CD46: variants seen among roughly 807,000 people sequenced by gnomAD.
The protein encoded by CD46 is membrane cofactor protein.
CD46 carries 30 observed loss-of-function variants against 53.3 expected under a neutral mutation model. The observed-to-expected ratio is 0.56, with a 90% confidence interval of 0.42 to 0.76. CD46 has a LOEUF of 0.76. Among genes scored for constraint, CD46 ranks in the 30% least tolerant of loss-of-function variants. The pLI is 0.00. For synonymous variants in CD46, 142 were observed against 152.0 expected, an observed-to-expected ratio of 0.93 and a Z score of 0.48; for missense variants, 409 against 463.0, an observed-to-expected ratio of 0.88 and a Z score of 1.07.
At chr1:207,764,264 A>G (rs557942935) in intron 5 of CD46, among the ~76,000 whole-genome samples, 1 of 152,340 alleles carries the variant, frequency 6.6e-6, no homozygotes, top group African/African-American at 2.4e-5. Context: ...GCTTGGAAAC[A>G]GCGTGTGCTG....
chr1:207,766,914 C>G, intron 5 of CD46, 99 bp from the exon 6 acceptor site: 1 of 888,814 alleles, frequency 1.1e-6, no homozygotes, highest in Non-Finnish European at 1.8e-6. Flanking sequence ...ATCTTGCATT[C>G]CATTCCTTGT....
At chr1:207,761,614 C>A (rs1352232584) in intron 5 of CD46, among the ~76,000 whole-genome samples, 168 bp downstream of exon 5, 2 of 151,988 alleles carry the variant, frequency 1.3e-5, no homozygotes, top group Non-Finnish European at 2.9e-5. Flanking sequence ...ATAGTTCTAG[C>A]TAGAGTTCCC....
chr1:207,759,243 A>G (rs1436229345), intron 3 of CD46, among the ~76,000 whole-genome samples: 1 of 152,220 alleles, frequency 6.6e-6, no homozygotes, highest in Admixed American at 6.5e-5. Context: ...AAGAAACTAG[A>G]TAAGTTGAGA....
At position 207,767,053 on chromosome 1, in the gene CD46, GA is replaced by G. The variant is rs1558056440; in HGVS notation, c.715del (p.Ile239TyrfsTer96). 6.2e-7 allele frequency: 1 copy of G among 1,613,750 alleles called. No homozygotes were observed. The highest frequency in any genetic ancestry group is 2.2e-5 in the East Asian group (1 of 44,848). On this transcript the variant is annotated frameshift_variant, in exon 6 of 13. Coordinates refer to ENST00000367042, the MANE Select transcript of CD46 (RefSeq NM_172351.3). LOFTEE classifies it high-confidence loss of function. The stretch of plus-strand genomic sequence containing the variant: ...TTCCAGTAGTCGAAAATGGAAAACA[GA>G]TATCAGGATTTGGAAAAAAATTTTA... Reference protein sequence around the residue: ...RFPVVENGKQISGFGKKFYYK... With the variant: ...RFPVVENGKQXSGFGKKFYYK...
chr1:207,766,351 C>G (rs1288919517), intron 5 of CD46, among the ~76,000 whole-genome samples: 1 of 152,036 alleles, frequency 6.6e-6, no homozygotes, highest in Admixed American at 6.6e-5. Context: ...CAATTAGACA[C>G]AACAAAAGGT....
At position 207,752,096 on chromosome 1, in the gene CD46, T is replaced by C. The variant is rs1654961695; in HGVS notation, c.-117T>C. ...CACCTGTCCTGCAGCACTGGATGCT[T>C]TGTGAGTTGGGGATTGTTGCGTCCC... On this transcript the variant is annotated 5_prime_UTR_variant, in exon 1 of 13. Coordinates refer to ENST00000367042, the MANE Select transcript of CD46 (RefSeq NM_172351.3). This position sits in a 1 kb window ranked among gnomAD's most constrained non-coding sequence, Gnocchi z 4.1. 2 of 991,578 alleles carry C rather than the reference T, an allele frequency of 2.0e-6. No individual in the cohort carries two copies. Among genetic ancestry groups the C allele is most frequent in the Admixed American group, 1.7e-5 (1 of 59,156 alleles). 61.4% of individuals were successfully genotyped at this position (991,578 alleles called of 1,614,324 possible). A position where few individuals can be genotyped will look rare whatever the true frequency, so the allele number is the denominator to read the frequency against.
intron 5 of CD46, among the ~76,000 whole-genome samples, chr1:207,764,428 G>GT (rs1308136009): frequency 2.6e-5 from 4 of 152,182 alleles, no homozygotes; most frequent in African/African-American, 9.7e-5. Context: ...AGGAAGTGAG[G>GT]TGGGGGTGCC....
At chr1:207,768,362 C>T (rs937678451) in intron 7 of CD46, 4 of 154,614 alleles carry the variant, frequency 2.6e-5, no homozygotes, top group African/African-American at 9.7e-5. Context: ...GACACCTTTA[C>T]TGAGTTTGTT....
chr1:207,756,449 G>A (rs1198162987), intron 1 of CD46, among the ~76,000 whole-genome samples: 1 of 152,102 alleles, frequency 6.6e-6, no homozygotes, highest in Non-Finnish European at 1.5e-5. Flanking sequence ...TCCCAGGCAC[G>A]GTAGCAGACA....
intron 7 of CD46, chr1:207,768,391 C>T (rs1657096096): frequency 6.5e-6 from 1 of 153,110 alleles, no homozygotes; most frequent in African/African-American, 2.4e-5. Context: ...AGGACTCTTT[C>T]ATTTCCTGGA....
In CD46 at chr1:207,771,572, T is replaced by C. The variant is rs138415738; in HGVS notation, c.943+1210T>C. On this transcript the variant is annotated intron_variant, in intron 8 of 12. Coordinates refer to ENST00000367042, the MANE Select transcript of CD46 (RefSeq NM_172351.3). Reference sequence around the variant, plus strand: ...TCAATCCATCTTGAGTTAATTTTTGTATAAGGTGTGAGGAAGGGATCCAGT... The same window carrying C: ...TCAATCCATCTTGAGTTAATTTTTGCATAAGGTGTGAGGAAGGGATCCAGT... Among the ~76,000 whole-genome samples the C allele has an allele frequency of 3.4e-3, 525 of 152,324 alleles. 1 individual carries two copies. The highest frequency in any genetic ancestry group is 6.8e-3 in the Middle Eastern group (2 of 294).
chr1:207,773,314 G>A (rs1428423394), intron 8 of CD46, among the ~76,000 whole-genome samples: 4 of 151,216 alleles, frequency 2.6e-5, no homozygotes, highest in African/African-American at 4.8e-5. Flanking sequence ...TCTTGCTAGC[G>A]GTCATTTTTG....
At chr1:207,759,605 A>G (rs753524347) in intron 3 of CD46, 34 bp from the exon 4 acceptor site, 7 of 1,170,434 alleles carry the variant, frequency 6.0e-6, no homozygotes, top group Non-Finnish European at 8.9e-6. Flanking sequence ...ATTAATTGCT[A>G]TACAAAACAG....
chr1:207,765,076 C>A (rs1028894772), intron 5 of CD46, among the ~76,000 whole-genome samples: 96 of 152,140 alleles, frequency 6.3e-4, no homozygotes, highest in African/African-American at 2.1e-3. Context: ...TCCTGTGATA[C>A]ATAAAAAGAA....
At position 207,790,348 on chromosome 1, in the gene CD46, A is replaced by G; in HGVS notation, c.*41+3A>G. ...AGGTTTGCTTTTATCATTAAAAGGT[A>G]TCTGTTTTCTGTTGTTTATTTTCAG... On this transcript the variant is annotated splice_donor_region_variant and intron_variant, in intron 12 of 12. Coordinates refer to ENST00000367042, the MANE Select transcript of CD46 (RefSeq NM_172351.3). 6.9e-7 allele frequency: 1 copy of G among 1,453,322 alleles called. No individual in the cohort carries two copies. Among genetic ancestry groups the G allele is most frequent in the South Asian group, 1.1e-5 (1 of 87,632 alleles). The allele number at this position is 1,453,322 out of a possible 1,614,324, so 90.0% of individuals were successfully genotyped here. A position where few individuals can be genotyped will look rare whatever the true frequency, so the allele number is the denominator to read the frequency against.
intron 4 of CD46, 182 bp from the exon 5 acceptor site, chr1:207,761,067 T>A: frequency 1.7e-6 from 1 of 590,670 alleles, no homozygotes; most frequent in Non-Finnish European, 3.0e-6. Context: ...AGTTAGTTAC[T>A]ACATTAATGG....
chr1:207,765,904 G>A lies in CD46; in HGVS notation c.674-1109G>A, dbSNP rs531133839. On this transcript the variant is annotated intron_variant, in intron 5 of 12. Transcript: ENST00000367042. ...CACCCCAAACTGCAAATCGCCACAT[G>A]TTCTTGAGTTGGTGAATGAATGAAC... is the stretch of plus-strand genomic sequence containing the variant. Among the ~76,000 whole-genome samples, 152 of 152,308 alleles carry A rather than the reference G, an allele frequency of 1.0e-3. No homozygotes were observed. The South Asian group carries it at 0.016, about 16-fold the overall frequency.
intron 5 of CD46, among the ~76,000 whole-genome samples, chr1:207,761,918 A>T (rs981500710): frequency 1.3e-5 from 2 of 152,212 alleles, no homozygotes; most frequent in African/African-American, 4.8e-5. Flanking sequence ...TATGAAGACC[A>T]TGTAGGGGAC....
chr1:207,752,632 G>T lies in CD46; in HGVS notation c.97+323G>T, dbSNP rs954027315. ...CGCGGACTGGGCGCCCTAGGTGAGG[G>T]CTTGTTCTGGAGTGCACAGGTGCGT... On this transcript the variant is annotated intron_variant, in intron 1 of 12. Transcript: ENST00000367042. This position sits in a 1 kb window ranked among gnomAD's most constrained non-coding sequence, Gnocchi z 4.1. Among the ~76,000 whole-genome samples, 2 of 152,150 alleles carry T rather than the reference G, an allele frequency of 1.3e-5. No homozygotes were observed. Among genetic ancestry groups the T allele is most frequent in the African/African-American group, 4.8e-5 (2 of 41,432 alleles).
Sources: gnomAD v4.1 joint callset for allele counts (sites outside exome capture counted in the v4.1 genomes callset) on GRCh38, gnomAD v4.1.1 for gene constraint, Gnocchi (gnomAD v3.1) non-coding constraint, MANE v1.5 for transcripts, NCBI Gene and HGNC (gene_info 2026-07-23, HGNC 2026-07-21) for gene names.